Variants in POMK observed in about 807,000 individuals in gnomAD.
POMK encodes the protein Sugen kinase 196.
Under a neutral mutation model 23.0 loss-of-function variants are expected in POMK, and 19 were observed. That is an observed-to-expected ratio of 0.83 (90% CI 0.58 to 1.21). The LOEUF (loss-of-function observed/expected upper bound fraction) is 1.21, where lower values mean the gene tolerates loss of function less well. POMK is among the 50% of genes most tolerant of loss of function. POMK has a pLI of 0.00. For missense variants in POMK, 410 were observed against 431.3 expected, an observed-to-expected ratio of 0.95 and a Z score of 0.44; for synonymous variants, 173 against 171.6, an observed-to-expected ratio of 1.01 and a Z score of -0.06.
chr8:43,104,248 G>A (rs767099494), intron 4 of POMK, among the ~76,000 whole-genome samples: 8 of 151,812 alleles, frequency 5.3e-5, no homozygotes, highest in Non-Finnish European at 8.8e-5. Flanking sequence ...TCAGCCTCCC[G>A]AGTAGCTGGG....
At chr8:43,109,678 G>A (rs1811610515) in intron 4 of POMK, among the ~76,000 whole-genome samples, 1 of 151,974 alleles carries the variant, frequency 6.6e-6, no homozygotes, top group Non-Finnish European at 1.5e-5. Flanking sequence ...GAGTAGCTGG[G>A]ACTATAGGCA....
At chr8:43,102,463 CA>C (rs763038617) in intron 2 of POMK, 41 bp from the exon 3 acceptor site, 3 of 152,360 alleles carry the variant, frequency 2.0e-5, no homozygotes, top group Non-Finnish European at 4.4e-5. Flanking sequence ...TACATAGCTG[CA>C]GTTTCTGTTT....
At position 43,122,688 on chromosome 8, in the gene POMK, C is replaced by T. The variant is rs773155264; in HGVS notation, c.864C>T (p.Ile288=). The change falls in exon 5 of 5, where the codon ATC becomes ATT. Residue 288 remains isoleucine (I), a synonymous_variant. Coordinates refer to ENST00000331373, the MANE Select transcript of POMK (RefSeq NM_032237.5). The part of the protein sequence containing the change: ...EKIDIWKIPD[I]SSFLLGHIEG... Reference sequence around the variant, plus strand: ...TTGACATTTGGAAGATCCCAGACATCTCCAGTTTCCTTCTGGGGCACATTG... The same window carrying T: ...TTGACATTTGGAAGATCCCAGACATTTCCAGTTTCCTTCTGGGGCACATTG... 6.2e-7 allele frequency: 1 copy of T among 1,614,194 alleles called. No individual in the cohort carries two copies. The highest frequency in any genetic ancestry group is 8.5e-7 in the Non-Finnish European group (1 of 1,180,024).
At chr8:43,114,625 C>T (rs1417567815) in intron 4 of POMK, among the ~76,000 whole-genome samples, 1 of 152,282 alleles carries the variant, frequency 6.6e-6, no homozygotes, top group Admixed American at 6.5e-5. Context: ...CACTGTCCTG[C>T]ACCCACTGTC....
At chr8:43,102,180 G>A (rs1257224088) in intron 2 of POMK, among the ~76,000 whole-genome samples, 1 of 152,222 alleles carries the variant, frequency 6.6e-6, no homozygotes, top group Non-Finnish European at 1.5e-5. Context: ...CAGCAGGATA[G>A]GAACCATGCT....
rs553573920 is a variant in POMK at position 43,096,124 on chromosome 8, A to C, written c.-209-1400A>C. On this transcript the variant is annotated intron_variant, in intron 1 of 4. Transcript: ENST00000331373. ...TGCCAGGCACTGGGGTGCAGTGGTG[A>C]ACAGGACAGGCAGGCAGGCTTCTTG... Among the ~76,000 whole-genome samples the C allele has an allele frequency of 1.6e-4, 25 of 152,292 alleles. No individual in the cohort carries two copies. In the South Asian group the frequency reaches 5.2e-3, roughly 32 times the overall value.
At chr8:43,113,551 T>C (rs1811726920) in intron 4 of POMK, among the ~76,000 whole-genome samples, 1 of 152,236 alleles carries the variant, frequency 6.6e-6, no homozygotes, top group African/African-American at 2.4e-5. Context: ...TGCCTTTGGT[T>C]TGAATTTCCT....
chr8:43,111,977 C>T (rs1811678289), intron 4 of POMK, among the ~76,000 whole-genome samples: 1 of 152,188 alleles, frequency 6.6e-6, no homozygotes, highest in South Asian at 2.1e-4. Flanking sequence ...AAAAACAGAG[C>T]AGAAAAACTG....
intron 4 of POMK, among the ~76,000 whole-genome samples, chr8:43,118,456 G>C (rs1223623515): frequency 6.6e-6 from 1 of 152,200 alleles, no homozygotes; most frequent in Non-Finnish European, 1.5e-5. Flanking sequence ...ACTGGGGGCA[G>C]GGAGACATCC....
At chr8:43,104,812 T>C (rs1335277747) in intron 4 of POMK, among the ~76,000 whole-genome samples, 1 of 152,014 alleles carries the variant, frequency 6.6e-6, no homozygotes, top group Non-Finnish European at 1.5e-5. Context: ...GGCATAATGG[T>C]GCGCACTACT....
chr8:43,113,268 C>A (rs995536312), intron 4 of POMK, among the ~76,000 whole-genome samples: 2 of 152,212 alleles, frequency 1.3e-5, no homozygotes, highest in Non-Finnish European at 2.9e-5. Flanking sequence ...TAGATTTGGT[C>A]TTTTCACATA....
At chr8:43,120,421 A>G (rs1038030876) in intron 4 of POMK, among the ~76,000 whole-genome samples, 1 of 151,626 alleles carries the variant, frequency 6.6e-6, no homozygotes, top group Non-Finnish European at 1.5e-5. Flanking sequence ...AGGTTTCGTC[A>G]TGTTGGCTAG....
chr8:43,115,150 A>C (rs1811770649), intron 4 of POMK, among the ~76,000 whole-genome samples: 1 of 152,216 alleles, frequency 6.6e-6, no homozygotes, highest in Non-Finnish European at 1.5e-5. Context: ...TTCTGGAAAG[A>C]TGTTACATGA....
At chr8:43,109,189 A>G (rs1563338710) in intron 4 of POMK, among the ~76,000 whole-genome samples, 1 of 152,222 alleles carries the variant, frequency 6.6e-6, no homozygotes, top group African/African-American at 2.4e-5. Context: ...ATATTACAAA[A>G]TGGAGTCTTA....
intron 1 of POMK, among the ~76,000 whole-genome samples, chr8:43,095,434 T>G (rs1049937421): frequency 6.6e-6 from 1 of 152,190 alleles, no homozygotes; most frequent in African/African-American, 2.4e-5. Flanking sequence ...TAGGGATATA[T>G]AAAAGGTTTT....
In POMK at chr8:43,103,718, A is replaced by G. The variant is rs372826172; in HGVS notation, c.170A>G (p.Tyr57Cys). The stretch of plus-strand genomic sequence containing the variant: ...ACTGTGGACCCCACACACTGTCCCT[A>G]TGGTCACTTCAGGATAGGACAGATG... Reference protein sequence around the residue: ...QSTVDPTHCPYGHFRIGQMKN... With the variant: ...QSTVDPTHCPCGHFRIGQMKN... The change falls in exon 4 of 5, where the codon TAT (tyrosine) becomes TGT (cysteine). Residue 57 changes from tyrosine to cysteine, a missense_variant. Transcript: ENST00000331373. 21 of 1,614,004 alleles carry G rather than the reference A, an allele frequency of 1.3e-5. No homozygotes were observed. The South Asian group carries it at 1.3e-4, about 10-fold the overall frequency.
At chr8:43,111,614 G>A (rs549889577) in intron 4 of POMK, among the ~76,000 whole-genome samples, 1 of 152,246 alleles carries the variant, frequency 6.6e-6, no homozygotes, top group South Asian at 2.1e-4. Flanking sequence ...AGAATGGGCA[G>A]ACTACCTCCT....
intron 2 of POMK, among the ~76,000 whole-genome samples, chr8:43,099,514 A>G (rs1457611225): frequency 1.3e-5 from 2 of 152,246 alleles, no homozygotes; most frequent in African/African-American, 4.8e-5. Flanking sequence ...GCCAGAATGT[A>G]GTTTCCTGGA....
At chr8:43,107,656 A>G (rs550581920) in intron 4 of POMK, among the ~76,000 whole-genome samples, 1 of 151,026 alleles carries the variant, frequency 6.6e-6, no homozygotes, top group East Asian at 2.0e-4. Flanking sequence ...TACAGGCATG[A>G]ATCAGTAATC....
Sources: allele counts gnomAD v4.1 joint callset (sites outside exome capture counted in the v4.1 genomes callset), GRCh38; gene constraint gnomAD v4.1.1; transcripts MANE v1.5; gene names NCBI Gene and HGNC (gene_info 2026-07-23, HGNC 2026-07-21).